Variants in SLC30A4 observed in about 807,000 individuals in gnomAD.
SLC30A4 encodes the protein probable proton-coupled zinc antiporter SLC30A4.
A neutral mutation model predicts 41.7 loss-of-function variants in SLC30A4; 20 were observed. That is an observed-to-expected ratio of 0.48 (90% CI 0.34 to 0.70). The LOEUF (loss-of-function observed/expected upper bound fraction) is 0.70. Ranked by LOEUF, SLC30A4 falls within the 30% of genes least tolerant of loss-of-function variation. The pLI is 0.01. For missense variants in SLC30A4, 441 were observed against 529.3 expected, an observed-to-expected ratio of 0.83 and a Z score of 1.64; for synonymous variants, 181 against 195.9, an observed-to-expected ratio of 0.92 and a Z score of 0.64.
intron 1 of SLC30A4, 57 bp downstream of exon 1, chr15:45,522,550 G>GGCCGACCCCGACGCTCC: frequency 1.9e-6 from 1 of 527,334 alleles, no homozygotes; most frequent in African/African-American, 2.0e-5. Flanking sequence ...CGGGTCGCAG[G>GGCCGACCCCGACGCTCC]GCCGACCCCG....
intron 3 of SLC30A4, among the ~76,000 whole-genome samples, chr15:45,505,763 T>C (rs981973775): frequency 5.3e-5 from 8 of 152,142 alleles, no homozygotes; most frequent in African/African-American, 1.9e-4. Context: ...TTGCTTATGT[T>C]TTCAAAAGGA....
At chr15:45,495,693 T>C (rs1386953571) in intron 3 of SLC30A4, among the ~76,000 whole-genome samples, 1 of 152,160 alleles carries the variant, frequency 6.6e-6, no homozygotes, top group African/African-American at 2.4e-5. Flanking sequence ...GCAGAAGGAC[T>C]CCCACCCTTA....
At chr15:45,498,784 G>A (rs1891955455) in intron 3 of SLC30A4, among the ~76,000 whole-genome samples, 1 of 152,122 alleles carries the variant, frequency 6.6e-6, no homozygotes, top group South Asian at 2.1e-4. Flanking sequence ...ATAATTAATA[G>A]GCATAACTTT....
chr15:45,493,794 C>T (rs1007113216), intron 3 of SLC30A4, among the ~76,000 whole-genome samples: 5 of 151,878 alleles, frequency 3.3e-5, no homozygotes, highest in African/African-American at 1.2e-4. Context: ...GCCACTGCAA[C>T]CCAGCCTGGC....
intron 2 of SLC30A4, among the ~76,000 whole-genome samples, chr15:45,516,348 A>C (rs1476428317): frequency 6.6e-6 from 1 of 152,154 alleles, no homozygotes; most frequent in Non-Finnish European, 1.5e-5. Context: ...CAAGTTCTCT[A>C]TATGATTCTG....
chr15:45,500,614 GTCTATCTATCTATCTATCTATCTA>G (rs10593774), intron 3 of SLC30A4, among the ~76,000 whole-genome samples: 12,552 of 149,710 alleles, frequency 0.084, 1,742 homozygotes, highest in African/African-American at 0.29. Flanking sequence ...TTAAGGGTCT[GTCTATCTATCTATCTATCTATCTA>G]TCTATCTATC....
At chr15:45,488,685 T>C (rs756485139) in intron 5 of SLC30A4, among the ~76,000 whole-genome samples, 156 bp downstream of exon 5, 17 of 152,226 alleles carry the variant, frequency 1.1e-4, no homozygotes, top group Non-Finnish European at 2.4e-4. Context: ...TGTTTACTGC[T>C]AACAAAAGAA....
chr15:45,504,979 C>T (rs1892118922), intron 3 of SLC30A4, among the ~76,000 whole-genome samples: 1 of 151,954 alleles, frequency 6.6e-6, no homozygotes, highest in Admixed American at 6.6e-5. Flanking sequence ...GCCTGTAATC[C>T]CAGCACTTTG....
chr15:45,485,106 G>A lies in SLC30A4; in HGVS notation c.*57C>T. On this transcript the variant is annotated 3_prime_UTR_variant, in exon 8 of 8. Transcript: ENST00000261867. Reference sequence around the variant, plus strand: ...TTTCTCATTTAGGTTTGCATTTATTGCTCTCAAGTCTGTGACTGCAGGATA... The same window carrying A: ...TTTCTCATTTAGGTTTGCATTTATTACTCTCAAGTCTGTGACTGCAGGATA... 7.2e-7 allele frequency: 1 copy of A among 1,391,590 alleles called. No individual in the cohort carries two copies. The highest frequency in any genetic ancestry group is 1.2e-5 in the South Asian group (1 of 81,710). 86.2% of individuals were successfully genotyped at this position (1,391,590 alleles called of 1,614,324 possible).
At chr15:45,518,155 T>C (rs1036700596) in intron 2 of SLC30A4, among the ~76,000 whole-genome samples, 3 of 152,182 alleles carry the variant, frequency 2.0e-5, no homozygotes, top group Non-Finnish European at 4.4e-5. Context: ...CCTTGGTACA[T>C]GCTGTTCTCT....
rs58257947 is a variant in SLC30A4 at position 45,499,081 on chromosome 15, A to ATT, written c.539-8202_539-8201dup. Among the ~76,000 whole-genome samples the ATT allele has an allele frequency of 1.5e-3, 194 of 132,858 alleles. 3 individuals carry two copies. The highest frequency in any genetic ancestry group is 6.0e-3 in the South Asian group (25 of 4,174). The allele number at this position is 132,858 out of a possible 152,430, so 87.2% of individuals were successfully genotyped here. A position where few individuals can be genotyped will look rare whatever the true frequency, so the allele number is the denominator to read the frequency against. On this transcript the variant is annotated intron_variant, in intron 3 of 7. Coordinates refer to ENST00000261867, the MANE Select transcript of SLC30A4 (RefSeq NM_013309.6). ...GTCACTTAGCCATGAGCCTAGGCTG[A>ATT]TTTTTTTTTTTTTTTTTTTGAGACG... is the stretch of plus-strand genomic sequence containing the variant.
chr15:45,501,969 CTAA>C (rs1390102580), intron 3 of SLC30A4: 2 of 152,094 alleles, frequency 1.3e-5, no homozygotes, highest in African/African-American at 4.8e-5. Context: ...GATGATACTA[CTAA>C]TATCTAACTA....
chr15:45,487,649 CA>C lies in SLC30A4; in HGVS notation c.895-18del, dbSNP rs1001351498. The C allele has an allele frequency of 1.7e-6, 2 of 1,169,374 alleles. No homozygotes were observed. The highest frequency in any genetic ancestry group is 3.1e-5 in the African/African-American group (2 of 65,248). 72.4% of individuals were successfully genotyped at this position (1,169,374 alleles called of 1,614,324 possible). A position where few individuals can be genotyped will look rare whatever the true frequency, so the allele number is the denominator to read the frequency against. On this transcript the variant is annotated intron_variant, in intron 5 of 7. Coordinates refer to ENST00000261867, the MANE Select transcript of SLC30A4 (RefSeq NM_013309.6). ...GTATTCTGGCTAAAGGGTAATAGAT[CA>C]AAATTTATGATTAAATAGACAAATA...
At chr15:45,513,109 G>A (rs534824396) in intron 2 of SLC30A4, among the ~76,000 whole-genome samples, 2 of 152,090 alleles carry the variant, frequency 1.3e-5, no homozygotes, top group Admixed American at 1.3e-4. Context: ...AGACCAGACT[G>A]GGCAACATGG....
chr15:45,505,121 CT>C (rs1331684235), intron 3 of SLC30A4, among the ~76,000 whole-genome samples: 2 of 151,630 alleles, frequency 1.3e-5, no homozygotes, highest in African/African-American at 4.8e-5. Context: ...ATCCCAGCTA[CT>C]TGGGAAGCTA....
At chr15:45,517,153 T>A (rs575255741) in intron 2 of SLC30A4, among the ~76,000 whole-genome samples, 57 of 147,338 alleles carry the variant, frequency 3.9e-4, no homozygotes, top group South Asian at 1.3e-3. Context: ...CTCTCTTTTT[T>A]AAAAAAAAAA....
intron 3 of SLC30A4, among the ~76,000 whole-genome samples, chr15:45,494,643 C>T (rs1290318841): frequency 2.0e-5 from 3 of 152,152 alleles, no homozygotes; most frequent in Non-Finnish European, 2.9e-5. Flanking sequence ...TGAGATCACA[C>T]CACTGCACCA....
rs1008926953 is a variant in SLC30A4, at chr15:45,483,150, T to C, written c.*2013A>G. On this transcript the variant is annotated 3_prime_UTR_variant, in exon 8 of 8. Transcript: ENST00000261867. ...TCATTAGAGGGACCATCAATCCTTT[T>C]ATTGACACCATTAACTCCCAACAAT... is the stretch of plus-strand genomic sequence containing the variant. 1.3e-5 allele frequency: 2 copies of C among 152,214 alleles called. No individual in the cohort carries two copies. Among genetic ancestry groups the C allele is most frequent in the African/African-American group, 4.8e-5 (2 of 41,458 alleles). 9.4% of individuals were successfully genotyped at this position (152,214 alleles called of 1,614,324 possible).
chr15:45,515,274 C>T (rs1399220603), intron 2 of SLC30A4, among the ~76,000 whole-genome samples: 1 of 152,050 alleles, frequency 6.6e-6, no homozygotes, highest in East Asian at 1.9e-4. Context: ...GTGATCTTCC[C>T]ACCTCAGCCT....
Sources: gnomAD v4.1 joint callset for allele counts (sites outside exome capture counted in the v4.1 genomes callset) on GRCh38, gnomAD v4.1.1 for gene constraint, MANE v1.5 for transcripts, NCBI Gene and HGNC (gene_info 2026-07-23, HGNC 2026-07-21) for gene names.